The following CSMD1 variants were observed in gnomAD, a reference collection of about 807,000 sequenced individuals.
CSMD1 encodes CUB and Sushi multiple domains 1, also known as CUB and sushi domain-containing protein 1.
CSMD1 carries 213 observed loss-of-function variants against 417.5 expected under a neutral mutation model. That is an observed-to-expected ratio of 0.51 (90% CI 0.46 to 0.57). The LOEUF is 0.57. CSMD1 is among the 20% of genes least tolerant of loss of function. The probability of loss-of-function intolerance (pLI) is 0.00; values close to 1 mark genes in which losing one functional copy is unlikely to be tolerated. For missense variants in CSMD1, 6,923 were observed against 4,529.7 expected, an observed-to-expected ratio of 1.53 and a Z score of -15.17; for synonymous variants, 2,862 against 1,736.8, an observed-to-expected ratio of 1.65 and a Z score of -16.11.
intron 52 of CSMD1, among the ~76,000 whole-genome samples, chr8:3,002,245 G>A (rs1025412602): frequency 1.3e-5 from 2 of 152,238 alleles, no homozygotes; most frequent in Admixed American, 6.5e-5. Flanking sequence ...GAAGGCACAA[G>A]TGTTATCACA....
chr8:3,542,826 A>G (rs2116717814), intron 10 of CSMD1, among the ~76,000 whole-genome samples: 1 of 152,318 alleles, frequency 6.6e-6, no homozygotes, highest in African/African-American at 2.4e-5. Flanking sequence ...CAAGATCCAT[A>G]ACCCTGGGGT....
intron 4 of CSMD1, among the ~76,000 whole-genome samples, chr8:4,012,441 T>G (rs1379632685): frequency 6.6e-6 from 1 of 152,210 alleles, no homozygotes; most frequent in Non-Finnish European, 1.5e-5. Context: ...TTAACTTTTA[T>G]TTTTGTTTCA....
intron 26 of CSMD1, among the ~76,000 whole-genome samples, chr8:3,256,846 T>C (rs2117064761): frequency 6.6e-6 from 1 of 152,314 alleles, no homozygotes; most frequent in Non-Finnish European, 1.5e-5. Context: ...ATTTTTCCTT[T>C]CCAAGGTAGT....
At chr8:3,169,153 G>C (rs775265002) in intron 37 of CSMD1, among the ~76,000 whole-genome samples, 7 of 152,158 alleles carry the variant, frequency 4.6e-5, no homozygotes, top group Non-Finnish European at 7.3e-5. Context: ...AAATGACATA[G>C]CCTCTGCATT....
chr8:4,104,991 T>C (rs1801495528), intron 3 of CSMD1, among the ~76,000 whole-genome samples: 1 of 110,102 alleles, frequency 9.1e-6, no homozygotes, highest in Admixed American at 9.0e-5. Context: ...CAGTTTCACA[T>C]TAAAAAAAAA....
chr8:4,064,087 T>C (rs974745251), intron 3 of CSMD1, among the ~76,000 whole-genome samples: 2 of 152,144 alleles, frequency 1.3e-5, no homozygotes, highest in African/African-American at 4.8e-5. Flanking sequence ...CCATGTGAAA[T>C]GCGAATCTAC....
In CSMD1 at chr8:3,533,050, C is replaced by T. The variant is rs776776720; in HGVS notation, c.1345-39324G>A. 5.3e-5 allele frequency among the ~76,000 whole-genome samples: 8 copies of T among 152,216 alleles called. No homozygotes were observed. In the South Asian group the frequency reaches 1.2e-3, roughly 24 times the overall value. ...TTTAAGGGCAAAGATGTCTAAAATA[C>T]TTTGAGATAAACAGCTCGTAATTCA... On this transcript the variant is annotated intron_variant, in intron 10 of 69. Transcript: ENST00000635120.
chr8:3,234,685 T>A (rs888526960), intron 26 of CSMD1, among the ~76,000 whole-genome samples: 3 of 152,180 alleles, frequency 2.0e-5, no homozygotes, highest in African/African-American at 7.2e-5. Flanking sequence ...GCAGGATAGA[T>A]GTGAAGATGC....
intron 1 of CSMD1, among the ~76,000 whole-genome samples, chr8:4,723,242 G>A (rs1040282540): frequency 1.3e-5 from 2 of 152,060 alleles, no homozygotes; most frequent in African/African-American, 4.8e-5. Context: ...GACATTTCAG[G>A]CAATTTTCTT....
chr8:3,411,105 G>A (rs917712754), intron 12 of CSMD1, among the ~76,000 whole-genome samples: 1 of 152,168 alleles, frequency 6.6e-6, no homozygotes, highest in African/African-American at 2.4e-5. Context: ...GATGCAGGAA[G>A]AAGGCACTGC....
intron 5 of CSMD1, among the ~76,000 whole-genome samples, chr8:3,792,225 C>T (rs1206211074): frequency 2.6e-5 from 4 of 151,578 alleles, no homozygotes; most frequent in South Asian, 2.1e-4. Context: ...CCCAGGAGGG[C>T]GAGGCTGCAG....
intron 3 of CSMD1, among the ~76,000 whole-genome samples, chr8:4,267,954 T>G (rs753799456): frequency 6.6e-6 from 1 of 152,088 alleles, no homozygotes; most frequent in Admixed American, 6.6e-5. Flanking sequence ...CAAACTACAT[T>G]TTTGGATCTA....
chr8:4,201,507 C>G lies in CSMD1; in HGVS notation c.416-169408G>C, dbSNP rs535289059. Among the ~76,000 whole-genome samples, 80 of 124,922 alleles carry G rather than the reference C, an allele frequency of 6.4e-4. 1 individual carries two copies. In the South Asian group the frequency reaches 0.015, roughly 23 times the overall value. 82.0% of individuals were successfully genotyped at this position (124,922 alleles called of 152,430 possible). On this transcript the variant is annotated intron_variant, in intron 3 of 69. Coordinates refer to ENST00000635120, the MANE Select transcript of CSMD1 (RefSeq NM_033225.6). ...GAGCCGACATAGCGCCACTGCCGTC[C>G]GGCCTAGGTAAGAGATCCAGACTCT...
intron 5 of CSMD1, among the ~76,000 whole-genome samples, chr8:3,967,142 C>G (rs1812728709): frequency 1.3e-5 from 2 of 151,454 alleles, no homozygotes; most frequent in Admixed American, 1.3e-4. Context: ...CTATTTGCAT[C>G]TTTCTGCTAC....
intron 5 of CSMD1, among the ~76,000 whole-genome samples, chr8:3,910,213 T>C (rs770435833): frequency 1.3e-5 from 2 of 152,148 alleles, no homozygotes; most frequent in Non-Finnish European, 2.9e-5. Flanking sequence ...ACAATGTTCA[T>C]GCAGTTCAGT....
intron 37 of CSMD1, among the ~76,000 whole-genome samples, chr8:3,172,035 G>C (rs962318408): frequency 6.6e-6 from 1 of 152,076 alleles, no homozygotes; most frequent in African/African-American, 2.4e-5. Flanking sequence ...AAAACTAAAG[G>C]ATCTACAAAA....
At chr8:4,553,047 T>C (rs1038709618) in intron 2 of CSMD1, among the ~76,000 whole-genome samples, 7 of 152,214 alleles carry the variant, frequency 4.6e-5, no homozygotes, top group Non-Finnish European at 8.8e-5. Flanking sequence ...TAAGCTCACA[T>C]TTTCAAAATG....
chr8:4,718,566 T>A (rs917065765), intron 1 of CSMD1, among the ~76,000 whole-genome samples: 3 of 151,888 alleles, frequency 2.0e-5, no homozygotes, highest in Non-Finnish European at 2.9e-5. Flanking sequence ...AAAGAAAAAA[T>A]TTATAAAACA....
At chr8:4,069,991 C>G (rs893593789) in intron 3 of CSMD1, among the ~76,000 whole-genome samples, 1 of 151,884 alleles carries the variant, frequency 6.6e-6, no homozygotes, top group Non-Finnish European at 1.5e-5. Context: ...TTCCTGCCTT[C>G]CTTTAGAATG....
Sources: allele counts gnomAD v4.1 joint callset (sites outside exome capture counted in the v4.1 genomes callset), GRCh38; gene constraint gnomAD v4.1.1; transcripts MANE v1.5; gene names NCBI Gene and HGNC (gene_info 2026-07-23, HGNC 2026-07-21).